Variants in CNGA1 observed in about 807,000 individuals in gnomAD.
CNGA1 encodes the protein cyclic nucleotide-gated channel alpha-1.
Under a neutral mutation model 69.7 loss-of-function variants are expected in CNGA1, and 53 were observed. The observed-to-expected ratio is 0.76, with a 90% CI of 0.61 to 0.96. CNGA1 has a LOEUF of 0.96. Among genes scored for constraint, CNGA1 ranks in the 40% least tolerant of loss-of-function variants. CNGA1 has a pLI of 0.00. For synonymous variants in CNGA1, 249 were observed against 283.5 expected (o/e 0.88, Z 1.22); for missense variants, 739 against 811.2 (o/e 0.91, Z 1.08).
chr4:47,968,793 G>T (rs1740861713), intron 3 of CNGA1, among the ~76,000 whole-genome samples: 1 of 152,180 alleles, frequency 6.6e-6, no homozygotes, highest in African/African-American at 2.4e-5. Context: ...TGGAAATGGG[G>T]CAGGAGAAAG....
At chr4:47,988,407 A>G (rs963216597) in intron 2 of CNGA1, among the ~76,000 whole-genome samples, 3 of 152,212 alleles carry the variant, frequency 2.0e-5, no homozygotes, top group African/African-American at 7.2e-5. Flanking sequence ...GAATGAATGA[A>G]TTAAACACTT....
intron 9 of CNGA1, among the ~76,000 whole-genome samples, 169 bp from the exon 10 acceptor site, chr4:47,941,038 GTGGT>G (rs1739044842): frequency 6.6e-6 from 1 of 152,178 alleles, no homozygotes; most frequent in African/African-American, 2.4e-5. Flanking sequence ...TTTTCCCTGA[GTGGT>G]TGGATTTCGA....
chr4:47,938,579 G>T (rs1463326933), intron 10 of CNGA1, among the ~76,000 whole-genome samples: 1 of 152,058 alleles, frequency 6.6e-6, no homozygotes, highest in Non-Finnish European at 1.5e-5. Flanking sequence ...TTTTAGTAGA[G>T]ACAGGGTTTC....
At chr4:47,995,709 T>A (rs1234981034) in intron 2 of CNGA1, among the ~76,000 whole-genome samples, 3 of 152,128 alleles carry the variant, frequency 2.0e-5, no homozygotes, top group Admixed American at 2.0e-4. Context: ...TTGGGGGGTG[T>A]TAAAGAACAT....
intron 2 of CNGA1, among the ~76,000 whole-genome samples, chr4:48,009,334 T>C (rs1715048236): frequency 1.3e-5 from 2 of 151,724 alleles, no homozygotes; most frequent in Admixed American, 1.3e-4. Flanking sequence ...AGGGTGGTGC[T>C]GTGCACCTGT....
Position 47,996,354 on chromosome 4 carries a change from TTTTGCATCCTGGTTTGCTAATTTAGA to T in CNGA1, c.-123+14414_-123+14439del, listed in dbSNP as rs1226802326. The stretch of plus-strand genomic sequence containing the variant: ...CTTGAGATTTGCATCCTGGTTTAGA[TTTTGCATCCTGGTTTGCTAATTTAGA>T]TTTGCATCCTGGTTTGCTAATTTCT... On this transcript the variant is annotated intron_variant, in intron 2 of 10. Transcript: ENST00000514170. Among the ~76,000 whole-genome samples, 9 of 152,252 alleles carry T rather than the reference TTTTGCATCCTGGTTTGCTAATTTAGA, an allele frequency of 5.9e-5. No individual in the cohort carries two copies. The East Asian group carries it at 7.7e-4, about 13-fold the overall frequency.
At chr4:48,012,567 T>A (rs1313930826) in intron 1 of CNGA1, among the ~76,000 whole-genome samples, 1 of 64,396 alleles carries the variant, frequency 1.6e-5, no homozygotes, top group African/African-American at 5.0e-5. Context: ...TCTTTTTTTT[T>A]TTTTTTTTTT....
At chr4:47,957,018 C>G (rs1740132980) in intron 3 of CNGA1, among the ~76,000 whole-genome samples, 1 of 152,136 alleles carries the variant, frequency 6.6e-6, no homozygotes, top group South Asian at 2.1e-4. Flanking sequence ...ACTGCAACCT[C>G]TGCCTCCCGG....
At chr4:48,005,006 C>A (rs988817261) in intron 2 of CNGA1, among the ~76,000 whole-genome samples, 1 of 152,174 alleles carries the variant, frequency 6.6e-6, no homozygotes, top group African/African-American at 2.4e-5. Context: ...AGACTGGAAT[C>A]TAAGAACAGG....
At chr4:48,002,335 T>C (rs1334019809) in intron 2 of CNGA1, among the ~76,000 whole-genome samples, 1 of 152,128 alleles carries the variant, frequency 6.6e-6, no homozygotes, top group African/African-American at 2.4e-5. Context: ...CTAGGTACAG[T>C]ACTAGGCTGG....
chr4:47,958,772 T>G (rs1010525071), intron 3 of CNGA1, among the ~76,000 whole-genome samples: 22 of 152,322 alleles, frequency 1.4e-4, no homozygotes, highest in African/African-American at 5.3e-4. Flanking sequence ...GATTGTGAGC[T>G]CTTCGGAAAA....
chr4:48,008,563 AT>A (rs1446396589), intron 2 of CNGA1, among the ~76,000 whole-genome samples: 2 of 152,212 alleles, frequency 1.3e-5, no homozygotes, highest in Admixed American at 6.5e-5. Flanking sequence ...ATATTTTAGT[AT>A]AACTTTAGAT....
chr4:48,001,709 C>T (rs1030954312), intron 2 of CNGA1, among the ~76,000 whole-genome samples: 1 of 152,154 alleles, frequency 6.6e-6, no homozygotes, highest in African/African-American at 2.4e-5. Context: ...TTCTAAAACA[C>T]TACACCCAGC....
At chr4:48,004,733 T>A (rs1233774894) in intron 2 of CNGA1, among the ~76,000 whole-genome samples, 2 of 152,190 alleles carry the variant, frequency 1.3e-5, no homozygotes, top group African/African-American at 4.8e-5. Flanking sequence ...CACATATCAA[T>A]AGACAGGCAG....
At chr4:47,970,775 T>C (rs527369486) in intron 3 of CNGA1, 3 of 404,676 alleles carry the variant, frequency 7.4e-6, no homozygotes, top group African/African-American at 2.0e-5. Flanking sequence ...TGGTACCTTG[T>C]TATTTTTATA....
At chr4:47,989,312 A>G (rs1742134123) in intron 2 of CNGA1, among the ~76,000 whole-genome samples, 1 of 152,212 alleles carries the variant, frequency 6.6e-6, no homozygotes, top group African/African-American at 2.4e-5. Flanking sequence ...CATTAGTTAC[A>G]GAACATGAGC....
In CNGA1 at chr4:47,937,675, G is replaced by T; in HGVS notation, c.807C>A (p.Asn269Lys). The change falls in exon 11 of 11, where the codon AAC becomes AAA. Residue 269 changes from asparagine to lysine, a missense_variant. By Grantham distance (94) the Asn-to-Lys change is moderately conservative. Transcript: ENST00000514170. ...ACATACGAGAGAACCGTAACAACCTGTTTAATCTAATTTCTGGATAGTTCC... is the reference window on the plus strand; with the variant it reads ...ACATACGAGAGAACCGTAACAACCTTTTTAATCTAATTTCTGGATAGTTCC... Reference protein sequence around the residue: ...LGWNYPEIRLNRLLRFSRMFE... With the variant: ...LGWNYPEIRLKRLLRFSRMFE... 2 of 1,614,134 alleles carry T rather than the reference G, an allele frequency of 1.2e-6. No individual in the cohort carries two copies. Among genetic ancestry groups the T allele is most frequent in the Non-Finnish European group, 1.7e-6 (2 of 1,180,012 alleles).
chr4:47,938,943 G>A (rs1469460539), intron 10 of CNGA1, among the ~76,000 whole-genome samples: 1 of 146,070 alleles, frequency 6.8e-6, no homozygotes, highest in African/African-American at 2.5e-5. Flanking sequence ...AGAGAGAGAG[G>A]GATGGAGGGA....
intron 3 of CNGA1, among the ~76,000 whole-genome samples, chr4:47,980,512 T>C (rs1741646387): frequency 1.3e-5 from 2 of 149,026 alleles, no homozygotes; most frequent in African/African-American, 5.0e-5. Flanking sequence ...TCTCTCTCTT[T>C]CACTCAGGCT....
Sources: allele counts gnomAD v4.1 joint callset (sites outside exome capture counted in the v4.1 genomes callset), GRCh38; gene constraint gnomAD v4.1.1; transcripts MANE v1.5; gene names NCBI Gene and HGNC (gene_info 2026-07-23, HGNC 2026-07-21).